Variants in NXPH1 observed in about 807,000 individuals in gnomAD.
NXPH1 encodes the protein neurexophilin-1.
Under a neutral mutation model 23.7 loss-of-function variants are expected in NXPH1, and 5 were observed. The observed-to-expected ratio is 0.21, with a 90% confidence interval of 0.11 to 0.44. The LOEUF is 0.44. Ranked by LOEUF, NXPH1 falls within the 20% of genes least tolerant of loss-of-function variation. The pLI is 0.99. For missense variants in NXPH1, 324 were observed against 321.6 expected (o/e 1.01, Z -0.06); for synonymous variants, 144 against 122.2 (o/e 1.18, Z -1.18).
chr7:8,562,197 T>G (rs1246016652), intron 2 of NXPH1, among the ~76,000 whole-genome samples: 2 of 151,654 alleles, frequency 1.3e-5, no homozygotes, highest in African/African-American at 4.8e-5. Context: ...CCTTACATTT[T>G]TAACCATTAT....
At chr7:8,538,790 A>G (rs934131606) in intron 2 of NXPH1, among the ~76,000 whole-genome samples, 1 of 151,896 alleles carries the variant, frequency 6.6e-6, no homozygotes, top group African/African-American at 2.4e-5. Context: ...TGTCAGAATC[A>G]TTCAGTTTGG....
rs117410385 is a variant in NXPH1 at position 8,712,098 on chromosome 7, C to G, written c.55-38910C>G. Among the ~76,000 whole-genome samples, 1,213 of 152,328 alleles carry G rather than the reference C, an allele frequency of 8.0e-3. 8 individuals are homozygous for G. Among genetic ancestry groups the G allele is most frequent in the Non-Finnish European group, 0.013 (869 of 68,030 alleles). On this transcript the variant is annotated intron_variant, in intron 2 of 2. Coordinates refer to ENST00000405863, the MANE Select transcript of NXPH1 (RefSeq NM_152745.3). ...GAGAAGTGGAGCTTGATTTCACTGA[C>G]ATGTGCTAATGTGACTACAGCACTG...
At chr7:8,714,275 G>A (rs550373852) in intron 2 of NXPH1, among the ~76,000 whole-genome samples, 1 of 152,084 alleles carries the variant, frequency 6.6e-6, no homozygotes, top group South Asian at 2.1e-4. Context: ...TAAGGCCCAA[G>A]GGCTCTTTAC....
intron 2 of NXPH1, among the ~76,000 whole-genome samples, chr7:8,691,744 T>C (rs1030844256): frequency 6.6e-6 from 1 of 152,148 alleles, no homozygotes; most frequent in African/African-American, 2.4e-5. Flanking sequence ...AGGGGTACAA[T>C]GGTGAGTAAG....
At chr7:8,680,723 A>G (rs372728421) in intron 2 of NXPH1, among the ~76,000 whole-genome samples, 3 of 151,952 alleles carry the variant, frequency 2.0e-5, no homozygotes, top group African/African-American at 7.2e-5. Flanking sequence ...TGTAATACCA[A>G]GGATCACTGT....
At chr7:8,710,132 G>T (rs10486247) in intron 2 of NXPH1, among the ~76,000 whole-genome samples, 97,485 of 152,088 alleles carry the variant, frequency 0.64, 32,091 homozygotes, top group East Asian at 0.86. Flanking sequence ...TTAAGCATCA[G>T]AATTGGTTTT....
intron 2 of NXPH1, among the ~76,000 whole-genome samples, chr7:8,679,940 G>C (rs986749322): frequency 8.5e-5 from 13 of 152,254 alleles, no homozygotes; most frequent in African/African-American, 3.1e-4. Flanking sequence ...AGAATTGCTT[G>C]AACCCAGGAG....
chr7:8,661,918 A>C (rs1820681930), intron 2 of NXPH1, among the ~76,000 whole-genome samples: 1 of 152,012 alleles, frequency 6.6e-6, no homozygotes, highest in Non-Finnish European at 1.5e-5. Context: ...GAAATATATC[A>C]AGTATCCCCC....
chr7:8,675,831 C>A (rs1326006413), intron 2 of NXPH1, among the ~76,000 whole-genome samples: 3 of 152,104 alleles, frequency 2.0e-5, no homozygotes, highest in African/African-American at 7.2e-5. Context: ...GTGTTTTAGG[C>A]CATTTATAAT....
In NXPH1 at chr7:8,682,720, A is replaced by G. The variant is rs73068838; in HGVS notation, c.55-68288A>G. Among the ~76,000 whole-genome samples the G allele has an allele frequency of 2.1e-3, 327 of 152,364 alleles. 3 individuals carry two copies. The highest frequency in any genetic ancestry group is 3.8e-3 in the Non-Finnish European group (256 of 68,030). On this transcript the variant is annotated intron_variant, in intron 2 of 2. Transcript: ENST00000405863. Reference sequence around the variant, plus strand: ...GCATGAATAAATAGAAGTATTGACCATCAGTCAGAAGCAATCATTATAACA... The same window carrying G: ...GCATGAATAAATAGAAGTATTGACCGTCAGTCAGAAGCAATCATTATAACA...
intron 2 of NXPH1, among the ~76,000 whole-genome samples, chr7:8,736,222 G>C (rs1048301741): frequency 8.5e-5 from 13 of 152,124 alleles, no homozygotes; most frequent in African/African-American, 3.1e-4. Flanking sequence ...TGTGATGTCA[G>C]GGTGTTGATT....
chr7:8,662,852 G>T (rs144374297), intron 2 of NXPH1, among the ~76,000 whole-genome samples: 1 of 152,030 alleles, frequency 6.6e-6, no homozygotes, highest in African/African-American at 2.4e-5. Flanking sequence ...TTTAAAATAC[G>T]TGTCATTATT....
At chr7:8,733,146 G>T (rs1329914460) in intron 2 of NXPH1, among the ~76,000 whole-genome samples, 1 of 152,030 alleles carries the variant, frequency 6.6e-6, no homozygotes, top group Non-Finnish European at 1.5e-5. Context: ...TTCTGTTCCT[G>T]TGTTAGTTTG....
At chr7:8,447,782 A>G (rs1330163406) in intron 2 of NXPH1, among the ~76,000 whole-genome samples, 1 of 152,230 alleles carries the variant, frequency 6.6e-6, no homozygotes, top group East Asian at 1.9e-4. Flanking sequence ...ATGCATTTGC[A>G]CAGATTGATG....
At chr7:8,438,432 A>T (rs183060685) in intron 2 of NXPH1, among the ~76,000 whole-genome samples, 1 of 152,238 alleles carries the variant, frequency 6.6e-6, no homozygotes, top group East Asian at 1.9e-4. Flanking sequence ...TTGAACTGAC[A>T]TAAGCCAGGG....
At chr7:8,475,060 T>C (rs973508998) in intron 2 of NXPH1, among the ~76,000 whole-genome samples, 1 of 152,124 alleles carries the variant, frequency 6.6e-6, no homozygotes, top group East Asian at 1.9e-4. Context: ...GGAGAGGCAC[T>C]CTGACTGGGG....
At chr7:8,542,874 A>G (rs2189460) in intron 2 of NXPH1, among the ~76,000 whole-genome samples, 84,751 of 151,402 alleles carry the variant, frequency 0.56, 25,970 homozygotes, top group African/African-American at 0.81. Context: ...GACTTATTCA[A>G]CAAATATACA....
In NXPH1 at chr7:8,435,537, C is replaced by A. The variant is rs888567494; in HGVS notation, c.-110-67C>A. 41 of 598,224 alleles carry A rather than the reference C, an allele frequency of 6.9e-5. 1 individual carries two copies. The South Asian group carries it at 7.2e-4, about 11-fold the overall frequency. The allele number at this position is 598,224 out of a possible 1,614,324, so 37.1% of individuals were successfully genotyped here. On this transcript the variant is annotated intron_variant, in intron 1 of 2. Coordinates refer to ENST00000405863, the MANE Select transcript of NXPH1 (RefSeq NM_152745.3). The surrounding 1 kb of genome is among the most constrained non-coding windows in gnomAD (Gnocchi z 5.9). ...CCACTCCCCGCTACGACCCCCTTTC[C>A]CCGCTTGATTGTCAAGCCTAACCTT...
chr7:8,556,064 C>T (rs952649153), intron 2 of NXPH1, among the ~76,000 whole-genome samples: 1 of 151,650 alleles, frequency 6.6e-6, no homozygotes, highest in Non-Finnish European at 1.5e-5. Flanking sequence ...CAGTTGTATT[C>T]GTCCTTCTTC....
Sources: allele counts gnomAD v4.1 joint callset (sites outside exome capture counted in the v4.1 genomes callset), GRCh38; gene constraint gnomAD v4.1.1; non-coding constraint Gnocchi (gnomAD v3.1); transcripts MANE v1.5; gene names NCBI Gene and HGNC (gene_info 2026-07-23, HGNC 2026-07-21).